The following C9 variants were observed in gnomAD, a reference collection of about 807,000 sequenced individuals.
The protein encoded by C9 is complement C9, also known as complement component C9.
C9 carries 63 observed loss-of-function variants against 65.4 expected under a neutral mutation model. That is an observed-to-expected ratio of 0.96 (90% confidence interval 0.79 to 1.19). The LOEUF is 1.19. Ranked by LOEUF, C9 falls within the 50% of genes most tolerant of loss-of-function variation. The probability of loss-of-function intolerance (pLI) is 0.00; values close to 1 mark genes in which losing one functional copy is unlikely to be tolerated. For missense variants in C9, 744 were observed against 670.1 expected, an observed-to-expected ratio of 1.11 and a Z score of -1.22; for synonymous variants, 229 against 227.9, an observed-to-expected ratio of 1.00 and a Z score of -0.04.
intron 5 of C9, among the ~76,000 whole-genome samples, chr5:39,324,877 A>G (rs78315252): frequency 0.088 from 13,389 of 151,882 alleles, 684 homozygotes; most frequent in Middle Eastern, 0.13. Context: ...AGCTAGATTC[A>G]GAGAGAGAAG....
At chr5:39,355,965 A>C (rs1270471485) in intron 1 of C9, among the ~76,000 whole-genome samples, 4 of 152,166 alleles carry the variant, frequency 2.6e-5, no homozygotes, top group Non-Finnish European at 4.4e-5. Context: ...GCCTTAACTG[A>C]ATATACAGTC....
In C9 at chr5:39,334,053, G is replaced by A. The variant is rs535647680; in HGVS notation, c.477-2239C>T. 9.8e-4 allele frequency among the ~76,000 whole-genome samples: 149 copies of A among 152,052 alleles called. 1 individual carries two copies. The highest frequency in any genetic ancestry group is 3.3e-3 in the African/African-American group (137 of 41,430). On this transcript the variant is annotated intron_variant, in intron 4 of 10. Transcript: ENST00000263408. ...CGCCACCCCGTCTGGGAAGTGAGGA[G>A]CGTCTCTGCCTGGCCGCCCATCGTC...
intron 10 of C9, among the ~76,000 whole-genome samples, 165 bp downstream of exon 10, chr5:39,288,558 A>T (rs1259675863): frequency 2.0e-5 from 3 of 151,820 alleles, no homozygotes; most frequent in Non-Finnish European, 4.4e-5. Flanking sequence ...AGAATGACAC[A>T]TAAAGGCTGA....
chr5:39,294,046 C>T (rs755916063), intron 9 of C9, among the ~76,000 whole-genome samples: 3 of 151,590 alleles, frequency 2.0e-5, no homozygotes, highest in Non-Finnish European at 4.4e-5. Context: ...ACTGACGATA[C>T]ACAGAAAAGG....
rs76880468 is a variant in C9, at chr5:39,300,100, G to A, written c.1416+6517C>T. ...CAATAGAGCCTGGTACACTGCAGGTGCCTAAGAAGTATTTGTCAAAGATGA... is the reference window on the plus strand; with the variant it reads ...CAATAGAGCCTGGTACACTGCAGGTACCTAAGAAGTATTTGTCAAAGATGA... On this transcript the variant is annotated intron_variant, in intron 9 of 10. Transcript: ENST00000263408. Among the ~76,000 whole-genome samples, 577 of 152,162 alleles carry A rather than the reference G, an allele frequency of 3.8e-3. 3 individuals carry two copies. Among genetic ancestry groups the A allele is most frequent in the Non-Finnish European group, 4.5e-3 (309 of 67,980 alleles).
intron 9 of C9, among the ~76,000 whole-genome samples, chr5:39,298,334 GA>G (rs796940261): frequency 1.3e-5 from 2 of 151,162 alleles, no homozygotes; most frequent in Non-Finnish European, 3.0e-5. Context: ...ATTGAAATGG[GA>G]AAAAAATAGA....
In C9 at chr5:39,306,631, G is replaced by A. The variant is rs749219612; in HGVS notation, c.1402C>T (p.Leu468Phe). 6 of 1,612,630 alleles carry A rather than the reference G, an allele frequency of 3.7e-6. No individual in the cohort carries two copies. Among genetic ancestry groups the A allele is most frequent in the Non-Finnish European group, 5.1e-6 (6 of 1,178,866 alleles). ...WASSINDAPV[L>F]ISQKLSPIYN... The stretch of plus-strand genomic sequence containing the variant: ...ACGTTTCTTACTTTTTGACTAATGA[G>A]AACAGGAGCATCATTTATGGAAGAG... Residue 468 changes from leucine (L) to phenylalanine (F), a missense_variant, in exon 9 of 11, where the codon CTC becomes TTC. Coordinates refer to ENST00000263408, the MANE Select transcript of C9 (RefSeq NM_001737.5).
Position 39,285,065 on chromosome 5 carries a change from A to C in C9, c.*134T>G. 1 of 764,354 alleles carries C rather than the reference A, an allele frequency of 1.3e-6. No homozygotes were observed. The highest frequency in any genetic ancestry group is 2.3e-6 in the Non-Finnish European group (1 of 428,768). The allele number at this position is 764,354 out of a possible 1,614,324, so 47.3% of individuals were successfully genotyped here. On this transcript the variant is annotated 3_prime_UTR_variant, in exon 11 of 11. Transcript: ENST00000263408. ...AAAAAAATTATAGACCTAAGAGAGAAGAGACTTCAGAGGTTGGTAGGATTT... is the reference window on the plus strand; with the variant it reads ...AAAAAAATTATAGACCTAAGAGAGACGAGACTTCAGAGGTTGGTAGGATTT...
At chr5:39,345,077 G>T (rs13168364) in intron 1 of C9, among the ~76,000 whole-genome samples, 1 of 151,666 alleles carries the variant, frequency 6.6e-6, no homozygotes, top group Admixed American at 6.6e-5. Flanking sequence ...ATGGCAAATT[G>T]TAAAGATCAT....
At position 39,341,187 on chromosome 5, in the gene C9, T is replaced by C. The variant is rs1255757297; in HGVS notation, c.435A>G (p.Arg145=). 4 of 1,614,032 alleles carry C rather than the reference T, an allele frequency of 2.5e-6. No homozygotes were observed. The highest frequency in any genetic ancestry group is 3.4e-6 in the Non-Finnish European group (4 of 1,180,028). Residue 145 remains arginine (R), a synonymous_variant, in exon 4 of 11, where the codon AGA becomes AGG. Transcript: ENST00000263408. ...GTGCCAGCTCAGACTCTTCTACCACTCTGTCTCTGCAGGGGGGACGGGGCT... is the reference window on the plus strand; with the variant it reads ...GTGCCAGCTCAGACTCTTCTACCACCCTGTCTCTGCAGGGGGGACGGGGCT... ...ESEPRPPCRD[R]VVEESELART...
chr5:39,307,781 C>A (rs1219165800), intron 8 of C9, among the ~76,000 whole-genome samples: 1 of 151,986 alleles, frequency 6.6e-6, no homozygotes, highest in Non-Finnish European at 1.5e-5. Context: ...AGGTTAGGCA[C>A]CAATTTAAAG....
intron 5 of C9, among the ~76,000 whole-genome samples, chr5:39,326,164 T>G (rs1170626330): frequency 6.6e-6 from 1 of 152,206 alleles, no homozygotes; most frequent in Non-Finnish European, 1.5e-5. Context: ...CCCTGTGAAG[T>G]GTATACTATT....
At position 39,364,479 on chromosome 5, in the gene C9, G is replaced by A. The variant is rs2287364; in HGVS notation, c.-15C>T. 1.5e-3 allele frequency: 2,296 copies of A among 1,534,720 alleles called. 55 individuals carry two copies. The East Asian group carries it at 0.042, about 28-fold the overall frequency. ...CAGGCTGACATGCTGCTCTTGCTGGGTGGCTGCGAGTGGGGTGGCAGGGCA... is the reference window on the plus strand; with the variant it reads ...CAGGCTGACATGCTGCTCTTGCTGGATGGCTGCGAGTGGGGTGGCAGGGCA... On this transcript the variant is annotated 5_prime_UTR_variant, in exon 1 of 11. Transcript: ENST00000263408.
intron 4 of C9, among the ~76,000 whole-genome samples, chr5:39,336,298 C>T (rs985886336): frequency 1.3e-5 from 2 of 152,076 alleles, no homozygotes; most frequent in Non-Finnish European, 1.5e-5. Flanking sequence ...ATACTCTATG[C>T]CCCTTTTTAT....
intron 4 of C9, among the ~76,000 whole-genome samples, chr5:39,336,312 T>G (rs1486961324): frequency 2.0e-5 from 3 of 152,274 alleles, no homozygotes; most frequent in African/African-American, 7.2e-5. Context: ...TTTTTATTCT[T>G]GAATCCACAT....
At chr5:39,341,752 A>G (rs967141816) in intron 2 of C9, 52 bp from the exon 3 acceptor site, 9 of 1,571,144 alleles carry the variant, frequency 5.7e-6, no homozygotes, top group Non-Finnish European at 7.9e-6. Context: ...AAAAAAGGGT[A>G]TGGTCTAAAG....
At chr5:39,331,024 A>G (rs912157546) in intron 5 of C9, among the ~76,000 whole-genome samples, 2 of 152,178 alleles carry the variant, frequency 1.3e-5, no homozygotes, top group African/African-American at 2.4e-5. Flanking sequence ...CCTGGGTCAG[A>G]GCAAGCTTAT....
intron 1 of C9, among the ~76,000 whole-genome samples, chr5:39,347,838 C>T (rs887909666): frequency 6.6e-6 from 1 of 152,104 alleles, no homozygotes; most frequent in African/African-American, 2.4e-5. Flanking sequence ...ACCAATGGAA[C>T]AGAATGGAGC....
chr5:39,296,260 A>G (rs544395452), intron 9 of C9, among the ~76,000 whole-genome samples: 233 of 151,878 alleles, frequency 1.5e-3, no homozygotes, highest in Non-Finnish European at 2.3e-3. Context: ...AAATATTTTC[A>G]AACTATGCAT....
Sources: gnomAD v4.1 joint callset for allele counts (sites outside exome capture counted in the v4.1 genomes callset) on GRCh38, gnomAD v4.1.1 for gene constraint, MANE v1.5 for transcripts, NCBI Gene and HGNC (gene_info 2026-07-23, HGNC 2026-07-21) for gene names.